The following FANCA variants were observed in gnomAD, a reference collection of about 807,000 sequenced individuals.
FANCA encodes the protein FA complementation group A.
In FANCA, 236 loss-of-function variants were observed where a neutral mutation model predicts 194.3. That is an observed-to-expected ratio of 1.21 (90% confidence interval 1.09 to 1.35). FANCA has a LOEUF of 1.35. Ranked by LOEUF, FANCA falls within the 40% of genes most tolerant of loss-of-function variation. FANCA has a pLI of 0.00. For synonymous variants in FANCA, 1,014 were observed against 715.8 expected, an observed-to-expected ratio of 1.42 and a Z score of -6.65; for missense variants, 2,628 against 1,813.9, an observed-to-expected ratio of 1.45 and a Z score of -8.15.
intron 8 of FANCA, among the ~76,000 whole-genome samples, chr16:89,800,895 C>T (rs778221607): frequency 6.6e-6 from 1 of 151,528 alleles, no homozygotes; most frequent in Admixed American, 6.6e-5. Flanking sequence ...TAGCTAGGTG[C>T]GGTGGCGGGT....
intron 30 of FANCA, among the ~76,000 whole-genome samples, chr16:89,754,653 GCCA>G (rs1441196546): frequency 6.6e-6 from 1 of 152,118 alleles, no homozygotes; most frequent in African/African-American, 2.4e-5. Flanking sequence ...ACAGGCATGA[GCCA>G]CCATGCCTGG....
At chr16:89,760,760 C>CA (rs1176042249) in intron 29 of FANCA, among the ~76,000 whole-genome samples, 1 of 152,082 alleles carries the variant, frequency 6.6e-6, no homozygotes, top group Non-Finnish European at 1.5e-5. Flanking sequence ...CATCACTCCT[C>CA]AAAGTCTGCA....
rs2143525927 is a variant in FANCA at position 89,791,442 on chromosome 16, C to A, written c.1320G>T (p.Glu440Asp). 6.2e-7 allele frequency: 1 copy of A among 1,614,116 alleles called. No homozygotes were observed. Among genetic ancestry groups the A allele is most frequent in the East Asian group, 2.2e-5 (1 of 44,880 alleles). Residue 440 changes from glutamate (E) to aspartate (D), a missense_variant, in exon 14 of 43, where the codon GAG becomes GAT. Transcript: ENST00000389301. ...AFLVVRQAAL[E>D]GPSAFLSYAD... ...CATATGACAGGAACGCAGAGGGGCCCTCCAGTGCTGCCTGGCGCACAACCA... is the reference window on the plus strand; with the variant it reads ...CATATGACAGGAACGCAGAGGGGCCATCCAGTGCTGCCTGGCGCACAACCA...
Position 89,808,297 on chromosome 16 carries a change from T to G in FANCA, c.593A>C (p.Glu198Ala), listed in dbSNP as rs747149073. The G allele has an allele frequency of 3.1e-6, 5 of 1,613,796 alleles. No homozygotes were observed. Among genetic ancestry groups the G allele is most frequent in the Non-Finnish European group, 3.4e-6 (4 of 1,179,822 alleles). Residue 198 changes from glutamate to alanine, a missense_variant, in exon 6 of 43, where the codon GAA (glutamate) becomes GCA (alanine). By Grantham distance (107) the Glu-to-Ala change is moderately radical (BLOSUM62 -1). Transcript: ENST00000389301. ...TGAATCATCATTAGCACGCTACCTT[T>G]CCAGCAGCTCTTGCAGGCTCACAAT... Reference protein sequence around the residue: ...QGIVSLQELLESHPDMHAVGS... With the variant: ...QGIVSLQELLASHPDMHAVGS...
chr16:89,746,712 G>A (rs752161468), intron 34 of FANCA, 24 bp from the exon 35 acceptor site: 53 of 1,611,172 alleles, frequency 3.3e-5, no homozygotes, highest in Non-Finnish European at 4.1e-5. Context: ...CGCAGCAGGA[G>A]GTCAGCGGTT....
rs187300458 is a variant in FANCA, at chr16:89,773,383, A to C, written c.1902T>G (p.Asp634Glu). Reference sequence around the variant, plus strand: ...GTTCTGCCCTCACTCCCAGGGCTGCATCTGTGAGAAGAAGGAAGAAACCAG... The same window carrying C: ...GTTCTGCCCTCACTCCCAGGGCTGCCTCTGTGAGAAGAAGGAAGAAACCAG... ...ACSAAEEKPEDAALGVRAEPN... is the reference protein window; with the variant it reads ...ACSAAEEKPEEAALGVRAEPN... Residue 634 changes from aspartate (D) to glutamate (E), a missense_variant and splice_region_variant, in exon 22 of 43, where the codon GAT (aspartate) becomes GAG (glutamate). Coordinates refer to ENST00000389301, the MANE Select transcript of FANCA (RefSeq NM_000135.4). The C allele has an allele frequency of 2.6e-6, 4 of 1,549,024 alleles. No individual in the cohort carries two copies. In the East Asian group the frequency reaches 9.8e-5, roughly 38 times the overall value.
In FANCA at chr16:89,816,641, G is replaced by C. The variant is rs1449256603; in HGVS notation, c.-26C>G. 1 of 1,514,760 alleles carries C rather than the reference G, an allele frequency of 6.6e-7. No individual in the cohort carries two copies. Among genetic ancestry groups the C allele is most frequent in the East Asian group, 2.6e-5 (1 of 38,638 alleles). 93.8% of individuals were successfully genotyped at this position (1,514,760 alleles called of 1,614,324 possible). On this transcript the variant is annotated 5_prime_UTR_variant, in exon 1 of 43. Coordinates refer to ENST00000389301, the MANE Select transcript of FANCA (RefSeq NM_000135.4). The stretch of plus-strand genomic sequence containing the variant: ...GGCCTTGGCGCCTACAGCCCCGGCG[G>C]CGGCTCCCTGCGCCCGAGCCCGCGC...
At chr16:89,769,753 C>T in intron 26 of FANCA, 84 bp downstream of exon 26, 2 of 1,489,096 alleles carry the variant, frequency 1.3e-6, no homozygotes, top group Non-Finnish European at 1.8e-6. Flanking sequence ...GTCTGCATGT[C>T]TGTCTCTTCT....
chr16:89,775,147 C>T (rs1598119733), intron 21 of FANCA, among the ~76,000 whole-genome samples: 1 of 152,104 alleles, frequency 6.6e-6, no homozygotes, highest in East Asian at 1.9e-4. Context: ...CAGCTCATAG[C>T]GGCTCCCACA....
At position 89,790,910 on chromosome 16, in the gene FANCA, G is replaced by C. The variant is rs539611555; in HGVS notation, c.1359+493C>G. On this transcript the variant is annotated intron_variant, in intron 14 of 42. Coordinates refer to ENST00000389301, the MANE Select transcript of FANCA (RefSeq NM_000135.4). Reference sequence around the variant, plus strand: ...AGTGGTGCAATCACAGCTCACTGCAGCCTTGATCTCCCAGGCTCAAGTAAT... The same window carrying C: ...AGTGGTGCAATCACAGCTCACTGCACCCTTGATCTCCCAGGCTCAAGTAAT... 55 of 198,312 alleles carry C rather than the reference G, an allele frequency of 2.8e-4. No homozygotes were observed. In the Middle Eastern group the frequency reaches 0.016, roughly 59 times the overall value. 12.3% of individuals were successfully genotyped at this position (198,312 alleles called of 1,614,324 possible). A position where few individuals can be genotyped will look rare whatever the true frequency, so the allele number is the denominator to read the frequency against.
chr16:89,807,797 G>A (rs2040715596), intron 6 of FANCA, among the ~76,000 whole-genome samples: 1 of 151,716 alleles, frequency 6.6e-6, no homozygotes, highest in African/African-American at 2.4e-5. Flanking sequence ...GCAGGAGAAT[G>A]GCGTGAACCC....
chr16:89,778,960 G>C lies in FANCA; in HGVS notation c.1759C>G (p.Leu587Val). 1 of 1,614,156 alleles carries C rather than the reference G, an allele frequency of 6.2e-7. No homozygotes were observed. Among genetic ancestry groups the C allele is most frequent in the East Asian group, 2.2e-5 (1 of 44,888 alleles). The change falls in exon 19 of 43, where the codon CTG becomes GTG. Residue 587 changes from leucine to valine, a missense_variant. Physicochemically the swap from Leu to Val is conservative, Grantham distance 32 (BLOSUM62 1). Coordinates refer to ENST00000389301, the MANE Select transcript of FANCA (RefSeq NM_000135.4). ...PYYVSHFLPA[L>V]LTPRVLPKVP... is the part of the protein sequence containing the mutation. ...ATACTGACCACTCGAGGTGTGAGCA[G>C]GGCGGGGAGGAAGTGGGACACGTAG...
At chr16:89,779,167 G>A (rs564478741) in intron 18 of FANCA, among the ~76,000 whole-genome samples, 164 bp from the exon 19 acceptor site, 1 of 152,054 alleles carries the variant, frequency 6.6e-6, no homozygotes, top group African/African-American at 2.4e-5. Context: ...GCATGTGTAG[G>A]GCAGGCCGTG....
chr16:89,804,289 C>T (rs2040557191), intron 7 of FANCA, among the ~76,000 whole-genome samples: 1 of 150,508 alleles, frequency 6.6e-6, no homozygotes, highest in African/African-American at 2.5e-5. Context: ...GGTCTCCCAG[C>T]AGGTGTTCCT....
intron 5 of FANCA, among the ~76,000 whole-genome samples, chr16:89,810,042 G>A (rs996257624): frequency 6.6e-6 from 1 of 151,186 alleles, no homozygotes; most frequent in East Asian, 2.0e-4. Flanking sequence ...AAAAATAAAT[G>A]CCAGGCGCGG....
chr16:89,755,742 T>G lies in FANCA; in HGVS notation c.2981+2835A>C, dbSNP rs74033857. ...CAGTAAGACAAATACAGTCATGAAC[T>G]GCTCAATGACAAGGATCCATTCTGA... On this transcript the variant is annotated intron_variant, in intron 30 of 42. Coordinates refer to ENST00000389301, the MANE Select transcript of FANCA (RefSeq NM_000135.4). Among the ~76,000 whole-genome samples the G allele has an allele frequency of 4.4e-3, 672 of 152,356 alleles. 1 individual carries two copies. Among genetic ancestry groups the G allele is most frequent in the African/African-American group, 0.015 (644 of 41,578 alleles).
intron 21 of FANCA, among the ~76,000 whole-genome samples, chr16:89,773,880 C>T (rs556217451): frequency 1.3e-5 from 2 of 151,806 alleles, no homozygotes; most frequent in Non-Finnish European, 2.9e-5. Flanking sequence ...TCAAATCATC[C>T]TGCCTCAGCC....
intron 2 of FANCA, 62 bp from the exon 3 acceptor site, chr16:89,814,675 G>C: frequency 8.4e-7 from 1 of 1,185,366 alleles, no homozygotes; most frequent in Non-Finnish European, 1.3e-6. Context: ...AGGCGTAGTG[G>C]CTCACGCCTG....
chr16:89,749,038 C>T (rs1378128382), intron 32 of FANCA, among the ~76,000 whole-genome samples: 2 of 152,194 alleles, frequency 1.3e-5, no homozygotes, highest in Admixed American at 6.5e-5. Flanking sequence ...GACAGTTACA[C>T]GATAACCAAG....
Sources: allele counts gnomAD v4.1 joint callset (sites outside exome capture counted in the v4.1 genomes callset), GRCh38; gene constraint gnomAD v4.1.1; transcripts MANE v1.5; gene names NCBI Gene and HGNC (gene_info 2026-07-23, HGNC 2026-07-21).